Variants in SIAH3 observed in about 807,000 individuals in gnomAD.
SIAH3 encodes siah E3 ubiquitin protein ligase family member 3, also known as seven in absentia homolog 3.
Under a neutral mutation model 12.6 loss-of-function variants are expected in SIAH3, and 9 were observed. The observed-to-expected ratio is 0.72, with a 90% confidence interval of 0.43 to 1.25. SIAH3 has a LOEUF of 1.25. Ranked by LOEUF, SIAH3 falls within the 50% of genes most tolerant of loss-of-function variation. The pLI is 0.00. For missense variants in SIAH3, 390 were observed against 365.4 expected (o/e 1.07, Z -0.55); for synonymous variants, 154 against 151.1 (o/e 1.02, Z -0.14).
At chr13:45,820,934 C>T (rs1950653583) in intron 1 of SIAH3, among the ~76,000 whole-genome samples, 2 of 152,218 alleles carry the variant, frequency 1.3e-5, no homozygotes, top group African/African-American at 2.4e-5. Context: ...CCGTCCTCCC[C>T]AGACTGTCTC....
At chr13:45,851,418 C>T in intron 1 of SIAH3, 77 bp downstream of exon 1, 1 of 1,587,566 alleles carries the variant, frequency 6.3e-7, no homozygotes. Context: ...TGCACACGTT[C>T]GCCGGAGGGT....
intron 1 of SIAH3, among the ~76,000 whole-genome samples, chr13:45,842,531 G>T (rs536241695): frequency 6.6e-6 from 1 of 152,030 alleles, no homozygotes; most frequent in African/African-American, 2.4e-5. Flanking sequence ...TATATTTTTG[G>T]AGACACGAGG....
chr13:45,799,790 C>G (rs1950575250), intron 1 of SIAH3, among the ~76,000 whole-genome samples: 1 of 152,206 alleles, frequency 6.6e-6, no homozygotes, highest in Non-Finnish European at 1.5e-5. Context: ...GCTGACTTTT[C>G]CCTGCCAACC....
intron 1 of SIAH3, among the ~76,000 whole-genome samples, chr13:45,844,582 GACT>G (rs892914403): frequency 9.9e-5 from 15 of 152,274 alleles, no homozygotes; most frequent in African/African-American, 3.4e-4. Context: ...CATGCCATGG[GACT>G]ACTAAGCCGT....
intron 1 of SIAH3, among the ~76,000 whole-genome samples, chr13:45,812,410 G>T (rs1271671856): frequency 6.6e-6 from 1 of 152,114 alleles, no homozygotes; most frequent in East Asian, 1.9e-4. Flanking sequence ...TGGTCCAATT[G>T]CCAGTTCATC....
chr13:45,792,148 C>A (rs1950547541), intron 1 of SIAH3, among the ~76,000 whole-genome samples: 1 of 152,162 alleles, frequency 6.6e-6, no homozygotes, highest in South Asian at 2.1e-4. Flanking sequence ...TGGGATCCAT[C>A]TTCTGGAAGG....
chr13:45,830,186 C>T (rs1950693467), intron 1 of SIAH3, among the ~76,000 whole-genome samples: 1 of 152,328 alleles, frequency 6.6e-6, no homozygotes, highest in East Asian at 1.9e-4. Context: ...CAGGGGCAGC[C>T]ACCTTCTTCT....
At chr13:45,847,756 A>G (rs1384213283) in intron 1 of SIAH3, among the ~76,000 whole-genome samples, 1 of 151,942 alleles carries the variant, frequency 6.6e-6, no homozygotes, top group African/African-American at 2.4e-5. Context: ...GCCAGAAAGC[A>G]TTTTACTATT....
intron 1 of SIAH3, among the ~76,000 whole-genome samples, chr13:45,819,664 G>A (rs1043142116): frequency 1.3e-5 from 2 of 152,132 alleles, no homozygotes; most frequent in Non-Finnish European, 1.5e-5. Context: ...TATGTAAAAC[G>A]GGCCCTGCAT....
At chr13:45,834,436 T>TCCCCTGGG in intron 1 of SIAH3, among the ~76,000 whole-genome samples, 1 of 152,044 alleles carries the variant, frequency 6.6e-6, no homozygotes. Flanking sequence ...AGGGAGAATA[T>TCCCCTGGG]CCCCTGGGCC....
At chr13:45,835,149 C>T (rs1019081916) in intron 1 of SIAH3, among the ~76,000 whole-genome samples, 1 of 152,206 alleles carries the variant, frequency 6.6e-6, no homozygotes, top group Admixed American at 6.5e-5. Flanking sequence ...TTTGAATATA[C>T]TCACAAACAA....
At chr13:45,788,733 G>A (rs1219148186) in intron 1 of SIAH3, among the ~76,000 whole-genome samples, 1 of 152,168 alleles carries the variant, frequency 6.6e-6, no homozygotes, top group Non-Finnish European at 1.5e-5. Flanking sequence ...TGGTCACCAA[G>A]CTCACTTAGA....
intron 1 of SIAH3, among the ~76,000 whole-genome samples, chr13:45,846,874 G>A (rs578083374): frequency 6.6e-6 from 1 of 152,288 alleles, no homozygotes; most frequent in Non-Finnish European, 1.5e-5. Flanking sequence ...GGGCCTCCCC[G>A]TTATGTGACT....
chr13:45,833,746 G>T lies in SIAH3; in HGVS notation c.135+17749C>A, dbSNP rs1950708350. Among the ~76,000 whole-genome samples the T allele has an allele frequency of 1.3e-5, 2 of 152,176 alleles. 1 individual carries two copies. The highest frequency in any genetic ancestry group is 4.1e-4 in the South Asian group (2 of 4,826). On this transcript the variant is annotated intron_variant, in intron 1 of 1. Coordinates refer to ENST00000400405, the MANE Select transcript of SIAH3 (RefSeq NM_198849.3). ...ACTCAGAAAGGGGACATGACCTGCT[G>T]AAGGTCAGAGCTGGTAAGTGGCAGG...
At chr13:45,837,009 C>G (rs1950720092) in intron 1 of SIAH3, among the ~76,000 whole-genome samples, 1 of 152,176 alleles carries the variant, frequency 6.6e-6, no homozygotes, top group Admixed American at 6.5e-5. Flanking sequence ...TAGACATCTG[C>G]CGCCCTAGTG....
Position 45,778,167 on chromosome 13 carries a change from T to A in SIAH3, c.*5216A>T, listed in dbSNP as rs935361836. The A allele has an allele frequency of 6.6e-6, 1 of 152,246 alleles. No individual in the cohort carries two copies. The highest frequency in any genetic ancestry group is 6.5e-5 in the Admixed American group (1 of 15,286). 9.4% of individuals were successfully genotyped at this position (152,246 alleles called of 1,614,324 possible). A position where few individuals can be genotyped will look rare whatever the true frequency, so the allele number is the denominator to read the frequency against. On this transcript the variant is annotated 3_prime_UTR_variant, in exon 2 of 2. Transcript: ENST00000400405. ...GGTCCCACTTTTGTGATAATGCATC[T>A]TATGTGGTGTTTGACACCACTGCTT... is the stretch of plus-strand genomic sequence containing the variant.
chr13:45,782,622 G>C lies in SIAH3; in HGVS notation c.*761C>G, dbSNP rs773440197. 3 of 152,172 alleles carry C rather than the reference G, an allele frequency of 2.0e-5. No homozygotes were observed. Among genetic ancestry groups the C allele is most frequent in the Non-Finnish European group, 4.4e-5 (3 of 68,042 alleles). The allele number at this position is 152,172 out of a possible 1,614,324, so 9.4% of individuals were successfully genotyped here. A position where few individuals can be genotyped will look rare whatever the true frequency, so the allele number is the denominator to read the frequency against. On this transcript the variant is annotated 3_prime_UTR_variant, in exon 2 of 2. Transcript: ENST00000400405. Reference sequence around the variant, plus strand: ...TACTTGCTCAACAGAAGGCAAAGGGGTTTTTAAGAAAGCATCAAAAATCTG... The same window carrying C: ...TACTTGCTCAACAGAAGGCAAAGGGCTTTTTAAGAAAGCATCAAAAATCTG...
intron 1 of SIAH3, among the ~76,000 whole-genome samples, chr13:45,792,822 C>G (rs1041385815): frequency 2.0e-4 from 30 of 152,310 alleles, no homozygotes; most frequent in African/African-American, 7.2e-4. Flanking sequence ...AAACCACATA[C>G]AGGAATGCTG....
intron 1 of SIAH3, among the ~76,000 whole-genome samples, chr13:45,807,217 G>A (rs115935250): frequency 0.011 from 1,613 of 151,712 alleles, 25 homozygotes; most frequent in African/African-American, 0.037. Context: ...ATGATTCACT[G>A]TTATAAATAT....
Sources: gnomAD v4.1 joint callset for allele counts (sites outside exome capture counted in the v4.1 genomes callset) on GRCh38, gnomAD v4.1.1 for gene constraint, MANE v1.5 for transcripts, NCBI Gene and HGNC (gene_info 2026-07-23, HGNC 2026-07-21) for gene names.